The following TRPC5OS variants were observed in gnomAD, a reference collection of about 807,000 sequenced individuals.
TRPC5OS encodes the protein TRPC5 opposite strand, also known as putative uncharacterized protein TRPC5OS.
For missense variants in TRPC5OS, 64 were observed against 79.3 expected (o/e 0.81, Z 0.73); for synonymous variants, 30 against 29.3 (o/e 1.02, Z -0.08).
chrX:111,895,104 C>T (rs1421574458), intron 1 of TRPC5OS, among the ~76,000 whole-genome samples: 1 of 112,134 alleles, frequency 8.9e-6, no homozygotes, highest in African/African-American at 3.2e-5. Context: ...TTAGTAGATA[C>T]TGCCAAATAG....
chrX:111,883,085 CAAA>C (rs59699981), intron 1 of TRPC5OS, among the ~76,000 whole-genome samples: 2 of 45,169 alleles, frequency 4.4e-5, no homozygotes, highest in African/African-American at 6.7e-5. Flanking sequence ...GACTCTGTCT[CAAA>C]AAAAAAAAAA....
chrX:111,877,753 G>A (rs934822121), intron 1 of TRPC5OS, among the ~76,000 whole-genome samples: 6 of 111,261 alleles, frequency 5.4e-5, no homozygotes, highest in Non-Finnish European at 9.4e-5. Context: ...AAGAGGAAAC[G>A]GTGAGAGAGA....
intron 1 of TRPC5OS, among the ~76,000 whole-genome samples, chrX:111,884,475 A>G (rs1924376086): frequency 8.9e-6 from 1 of 112,918 alleles, no homozygotes; most frequent in African/African-American, 3.2e-5. Context: ...AAGTGTAGCA[A>G]TGGCCTGAGC....
At chrX:111,888,436 A>T (rs1203761203) in intron 1 of TRPC5OS, among the ~76,000 whole-genome samples, 7 of 105,431 alleles carry the variant, frequency 6.6e-5, no homozygotes, top group Non-Finnish European at 9.7e-5. Context: ...GAACTTTGGG[A>T]GGCCGAGGCG....
At position 111,903,773 on chromosome X, in the gene TRPC5OS, T is replaced by G. The variant is rs1177861799; in HGVS notation, c.*1588T>G. 2 of 112,081 alleles carry G rather than the reference T, an allele frequency of 1.8e-5. No homozygotes were observed. Among genetic ancestry groups the G allele is most frequent in the African/African-American group, 6.5e-5 (2 of 30,890 alleles). The allele number at this position is 112,081 out of a possible 1,213,427, so 9.2% of individuals were successfully genotyped here. On this transcript the variant is annotated 3_prime_UTR_variant, in exon 4 of 4. Transcript: ENST00000635763. ...GTGAAAATCAAGGAAGATAGGCTGG[T>G]AGATGGCATTAGATTAGGTAGTACA...
intron 1 of TRPC5OS, among the ~76,000 whole-genome samples, chrX:111,883,043 G>A (rs367780051): frequency 1.9e-5 from 2 of 104,129 alleles, no homozygotes; most frequent in South Asian, 8.8e-4. Flanking sequence ...CCAAGATCAT[G>A]CCATTGCACT....
intron 3 of TRPC5OS, among the ~76,000 whole-genome samples, chrX:111,899,325 T>G: frequency 9.0e-6 from 1 of 111,482 alleles, no homozygotes. Context: ...CTCTGCTTTT[T>G]ATGTTTAGGT....
At chrX:111,891,052 T>C (rs920173516) in intron 1 of TRPC5OS, among the ~76,000 whole-genome samples, 1 of 112,258 alleles carries the variant, frequency 8.9e-6, no homozygotes, top group Non-Finnish European at 1.9e-5. Context: ...ATGATCTTGT[T>C]TTTTATGGCT....
At position 111,887,309 on chromosome X, in the gene TRPC5OS, A is replaced by T. The variant is rs183165709; in HGVS notation, c.-545-8642A>T. On this transcript the variant is annotated intron_variant, in intron 1 of 3. Transcript: ENST00000635763. ...ATGTTGCTTTCTTTCTTTCTTGGAG[A>T]GAGTGCCATTTGGGAATCATTTTCT... Among the ~76,000 whole-genome samples, 12 of 112,294 alleles carry T rather than the reference A, an allele frequency of 1.1e-4. No individual in the cohort carries two copies. The East Asian group carries it at 3.1e-3, about 29-fold the overall frequency.
chrX:111,891,361 C>A (rs183383212), intron 1 of TRPC5OS, among the ~76,000 whole-genome samples: 1 of 111,317 alleles, frequency 9.0e-6, no homozygotes, highest in African/African-American at 3.3e-5. Context: ...TTTTTCTCTG[C>A]AACCTCACTA....
intron 3 of TRPC5OS, among the ~76,000 whole-genome samples, chrX:111,898,288 C>T (rs868814197): frequency 3.2e-5 from 3 of 92,682 alleles, no homozygotes; most frequent in East Asian, 6.1e-4. Flanking sequence ...GACACACACG[C>T]GTGTGTGCGC....
chrX:111,891,692 C>T (rs1924816234), intron 1 of TRPC5OS, among the ~76,000 whole-genome samples: 1 of 110,843 alleles, frequency 9.0e-6, no homozygotes, highest in African/African-American at 3.3e-5. Flanking sequence ...AGGCACCCAC[C>T]ACAACGCCCA....
In TRPC5OS at chrX:111,876,191, T is replaced by A. The variant is rs1367082818; in HGVS notation, c.-628T>A. 1 of 110,956 alleles carries A rather than the reference T, an allele frequency of 9.0e-6. No individual in the cohort carries two copies. The highest frequency in any genetic ancestry group is 1.9e-5 in the Non-Finnish European group (1 of 52,889). 9.1% of individuals were successfully genotyped at this position (110,956 alleles called of 1,213,427 possible). ...ATGAAAATTCCTACCATTAGAGAGG[T>A]AAGCCTTTGGATTACAGCTCTGATG... On this transcript the variant is annotated 5_prime_UTR_variant, in exon 1 of 4. Coordinates refer to ENST00000635763, the MANE Select transcript of TRPC5OS (RefSeq NM_001195578.2).
intron 1 of TRPC5OS, among the ~76,000 whole-genome samples, chrX:111,885,436 C>T (rs1924436210): frequency 9.0e-6 from 1 of 111,140 alleles, no homozygotes; most frequent in South Asian, 3.8e-4. Context: ...GTGCCCAACT[C>T]ATCCTAGTTT....
At chrX:111,886,170 CTCA>C (rs1924485056) in intron 1 of TRPC5OS, among the ~76,000 whole-genome samples, 1 of 111,909 alleles carries the variant, frequency 8.9e-6, no homozygotes, top group African/African-American at 3.3e-5. Flanking sequence ...ATCCCAGCTA[CTCA>C]GGAGGCTGAG....
At chrX:111,894,063 G>A (rs1924944198) in intron 1 of TRPC5OS, among the ~76,000 whole-genome samples, 1 of 111,189 alleles carries the variant, frequency 9.0e-6, no homozygotes, top group East Asian at 2.8e-4. Flanking sequence ...CTGCAGCACC[G>A]GAGAAGGGAA....
chrX:111,888,207 G>A (rs1924597813), intron 1 of TRPC5OS, among the ~76,000 whole-genome samples: 1 of 111,565 alleles, frequency 9.0e-6, no homozygotes, highest in Non-Finnish European at 1.9e-5. Flanking sequence ...CTAGAACAGA[G>A]CAGGAGAGAG....
Position 111,879,956 on chromosome X carries a change from A to G in TRPC5OS, c.-546+3683A>G, listed in dbSNP as rs763858425. Among the ~76,000 whole-genome samples, 125 of 111,357 alleles carry G rather than the reference A, an allele frequency of 1.1e-3. No individual in the cohort carries two copies. In the Middle Eastern group the frequency reaches 0.014, roughly 12 times the overall value. ...TCAAATGGGTAAGTGATTCCACTTT[A>G]TAGAAGGAAGAACCGAAGACCAAAA... On this transcript the variant is annotated intron_variant, in intron 1 of 3. Transcript: ENST00000635763.
chrX:111,885,380 G>C (rs763213871), intron 1 of TRPC5OS, among the ~76,000 whole-genome samples: 181 of 111,391 alleles, frequency 1.6e-3, no homozygotes, highest in African/African-American at 5.6e-3. Flanking sequence ...TCCCAGTTAA[G>C]GTCTAGTGAG....
Sources: allele counts gnomAD v4.1 joint callset (sites outside exome capture counted in the v4.1 genomes callset), GRCh38; gene constraint gnomAD v4.1.1; transcripts MANE v1.5; gene names NCBI Gene and HGNC (gene_info 2026-07-23, HGNC 2026-07-21).